The following NAV2 variants were observed in gnomAD, a reference collection of about 807,000 sequenced individuals.
The protein encoded by NAV2 is helicase, APC down-regulated 1.
A neutral mutation model predicts 223.2 loss-of-function variants in NAV2; 54 were observed. The observed-to-expected ratio is 0.24, with a 90% CI of 0.19 to 0.30. The LOEUF (loss-of-function observed/expected upper bound fraction) is 0.30, where lower values mean the gene tolerates loss of function less well. NAV2 is among the 10% of genes least tolerant of loss of function. The pLI, the probability that NAV2 is intolerant of heterozygous loss-of-function variation, is 1.00. For synonymous variants in NAV2, 1,279 were observed against 1,239.3 expected, an observed-to-expected ratio of 1.03 and a Z score of -0.67; for missense variants, 2,806 against 3,147.5, an observed-to-expected ratio of 0.89 and a Z score of 2.60.
intron 1 of NAV2, among the ~76,000 whole-genome samples, chr11:19,612,731 C>G (rs2046679813): frequency 6.6e-6 from 1 of 152,178 alleles, no homozygotes; most frequent in Admixed American, 6.5e-5. Flanking sequence ...AACCATTCAA[C>G]AAGTCTCTAG....
intron 1 of NAV2, among the ~76,000 whole-genome samples, chr11:19,466,521 C>T (rs142629931): frequency 1.4e-3 from 206 of 152,320 alleles, no homozygotes; most frequent in African/African-American, 4.6e-3. Context: ...TTGTCCCAGA[C>T]GATGAATTGC....
intron 19 of NAV2, among the ~76,000 whole-genome samples, chr11:20,057,672 C>T (rs565676994): frequency 2.6e-4 from 40 of 152,170 alleles, no homozygotes; most frequent in Non-Finnish European, 5.3e-4. Flanking sequence ...GAGTTTGTCC[C>T]GCACTGTATT....
At chr11:19,892,354 G>C in intron 5 of NAV2, 80 bp from the exon 6 acceptor site, 1 of 1,382,122 alleles carries the variant, frequency 7.2e-7, no homozygotes, top group Non-Finnish European at 9.9e-7. Flanking sequence ...TTTGCCTCCT[G>C]CATGGTTGCA....
At chr11:19,462,318 C>T (rs1377144219) in intron 1 of NAV2, among the ~76,000 whole-genome samples, 8 of 152,298 alleles carry the variant, frequency 5.3e-5, no homozygotes, top group African/African-American at 1.9e-4. Flanking sequence ...GGAGGTACAA[C>T]TACTCCTAAT....
intron 3 of NAV2, among the ~76,000 whole-genome samples, chr11:19,866,649 G>A (rs1322709894): frequency 6.6e-6 from 1 of 152,130 alleles, no homozygotes; most frequent in Non-Finnish European, 1.5e-5. Flanking sequence ...TTCTTGGAAT[G>A]TGAGTTCTAT....
chr11:19,964,809 CTT>C (rs71050695), intron 10 of NAV2, among the ~76,000 whole-genome samples: 3 of 57,550 alleles, frequency 5.2e-5, no homozygotes, highest in South Asian at 6.6e-4. Context: ...CCTCATTCTA[CTT>C]TTTTTTTTTT....
At chr11:19,711,266 A>G (rs1454469014), upstream of NAV2, 1 of 152,230 alleles carries the variant, frequency 6.6e-6, no homozygotes, top group African/African-American at 2.4e-5. Context: ...TTGGGCCACT[A>G]TAACAAAAAT....
At chr11:19,839,322 G>A (rs1464112378) in intron 2 of NAV2, among the ~76,000 whole-genome samples, 1 of 152,176 alleles carries the variant, frequency 6.6e-6, no homozygotes, top group Non-Finnish European at 1.5e-5. Context: ...TTGGAGCAAG[G>A]AAAGCAGGGA....
At chr11:19,854,738 A>G (rs1590898310) in intron 3 of NAV2, among the ~76,000 whole-genome samples, 1 of 152,346 alleles carries the variant, frequency 6.6e-6, no homozygotes, top group East Asian at 1.9e-4. Context: ...ATAAATGTTT[A>G]TATTGACTTA....
chr11:20,083,892 C>T (rs775335573), intron 26 of NAV2, among the ~76,000 whole-genome samples: 3 of 152,174 alleles, frequency 2.0e-5, no homozygotes, highest in African/African-American at 4.8e-5. Flanking sequence ...AGGTCTGTGC[C>T]GCTGACCCTA....
intron 1 of NAV2, among the ~76,000 whole-genome samples, chr11:19,640,402 T>C (rs908631309): frequency 6.6e-6 from 1 of 151,512 alleles, no homozygotes; most frequent in Non-Finnish European, 1.5e-5. Flanking sequence ...CAAATACATA[T>C]AATATATAAA....
At chr11:19,621,722 A>AT (rs894380937) in intron 1 of NAV2, among the ~76,000 whole-genome samples, 1,828 of 151,916 alleles carry the variant, frequency 0.012, 35 homozygotes, top group African/African-American at 0.041. Flanking sequence ...GGATTCATTG[A>AT]TTTTTTGAAG....
At chr11:19,434,337 G>A (rs980829755) in intron 1 of NAV2, among the ~76,000 whole-genome samples, 1 of 152,146 alleles carries the variant, frequency 6.6e-6, no homozygotes, top group Admixed American at 6.5e-5. Flanking sequence ...TGGCACTGGG[G>A]TTCATTTCTG....
chr11:19,435,253 G>A (rs1564933719), intron 1 of NAV2, among the ~76,000 whole-genome samples: 1 of 151,894 alleles, frequency 6.6e-6, no homozygotes, highest in Non-Finnish European at 1.5e-5. Context: ...CCAGCTTCTG[G>A]TAACCACCAT....
rs567764326 is a variant in NAV2, at chr11:20,045,186, G to T, written c.3418G>T (p.Val1140Leu). The change falls in exon 14 of 38, where the codon GTG becomes TTG. Residue 1140 changes from valine to leucine, a missense_variant. Val to Leu is a conservative substitution (Grantham distance 32). This residue lies in a region of NAV2 where 742 missense variants were observed against 777.9 expected (regional missense o/e 0.95). Coordinates refer to ENST00000349880, the MANE Select transcript of NAV2 (RefSeq NM_145117.5). ...CCTGGCCATGATCACAGCCAGCGGG[G>T]TGACTGTCACCAGCAGGTCAGCCAC... ...AGLAMITASG[V>L]TVTSRSATLG... 11 of 1,614,176 alleles carry T rather than the reference G, an allele frequency of 6.8e-6. No individual in the cohort carries two copies. The South Asian group carries it at 1.1e-4, about 16-fold the overall frequency.
intron 1 of NAV2, among the ~76,000 whole-genome samples, chr11:19,594,924 T>A (rs536986514): frequency 3.5e-4 from 54 of 152,296 alleles, no homozygotes; most frequent in African/African-American, 1.3e-3. Flanking sequence ...TAGTAATAAC[T>A]AACATCTATC....
intron 1 of NAV2, among the ~76,000 whole-genome samples, chr11:19,529,351 G>A (rs1026454680): frequency 1.3e-5 from 2 of 152,156 alleles, no homozygotes; most frequent in Non-Finnish European, 2.9e-5. Flanking sequence ...TTCTTGCTGG[G>A]CAGTAGATTT....
intron 4 of NAV2, among the ~76,000 whole-genome samples, chr11:19,876,774 T>C (rs1051984145): frequency 6.6e-6 from 1 of 151,934 alleles, no homozygotes; most frequent in Non-Finnish European, 1.5e-5. Context: ...GTATGCTGAA[T>C]TGTTAGTTCC....
chr11:19,758,295 G>A (rs994474955), intron 1 of NAV2, among the ~76,000 whole-genome samples: 2 of 152,194 alleles, frequency 1.3e-5, no homozygotes, highest in African/African-American at 2.4e-5. Flanking sequence ...AATACTAAAG[G>A]CAGTGAAGAA....
Sources: gnomAD v4.1 joint callset for allele counts (sites outside exome capture counted in the v4.1 genomes callset) on GRCh38, gnomAD v4.1.1 for gene constraint, gnomAD v4.1.1 regional missense constraint, MANE v1.5 for transcripts, NCBI Gene and HGNC (gene_info 2026-07-23, HGNC 2026-07-21) for gene names.